The following RABGAP1L variants were observed in gnomAD, a reference collection of about 807,000 sequenced individuals.
RABGAP1L encodes the protein RAB GTPase activating protein 1 like, also known as rab GTPase-activating protein 1-like.
A neutral mutation model predicts 137.7 loss-of-function variants in RABGAP1L; 63 were observed. That is an observed-to-expected ratio of 0.46 (90% CI 0.37 to 0.56). The LOEUF is 0.56. RABGAP1L is among the 20% of genes least tolerant of loss of function. The probability of loss-of-function intolerance (pLI) is 0.00; values close to 1 mark genes in which losing one functional copy is unlikely to be tolerated. For synonymous variants in RABGAP1L, 431 were observed against 433.7 expected (o/e 0.99, Z 0.08); for missense variants, 1,095 against 1,244.0 (o/e 0.88, Z 1.80).
In RABGAP1L at chr1:174,252,677, A is replaced by G. The variant is rs1672806323; in HGVS notation, c.986+87A>G. ...GCATTGCTCAGTGTGGCTTTTCACT[A>G]TACTTCATTTTCTCCAATTAAAAAT... On this transcript the variant is annotated intron_variant, in intron 7 of 25. Coordinates refer to ENST00000681986, the MANE Select transcript of RABGAP1L (RefSeq NM_001366446.1). The G allele has an allele frequency of 5.3e-6, 8 of 1,505,434 alleles. No individual in the cohort carries two copies. In the East Asian group the frequency reaches 7.8e-5, roughly 15 times the overall value. The allele number at this position is 1,505,434 out of a possible 1,614,324, so 93.3% of individuals were successfully genotyped here. A position where few individuals can be genotyped will look rare whatever the true frequency, so the allele number is the denominator to read the frequency against.
chr1:174,958,018 G>A, intron 20 of RABGAP1L: 1 of 1,535,068 alleles, frequency 6.5e-7, no homozygotes, highest in Non-Finnish European at 8.7e-7. Context: ...AGGAAAAATG[G>A]CAAAGTACTG....
At chr1:174,929,214 T>C (rs1663318383) in intron 19 of RABGAP1L, among the ~76,000 whole-genome samples, 1 of 151,986 alleles carries the variant, frequency 6.6e-6, no homozygotes, top group Non-Finnish European at 1.5e-5. Flanking sequence ...TAAAATACAA[T>C]AATAATAAAA....
chr1:174,946,900 CAAAAAA>C (rs1177949233), intron 19 of RABGAP1L, among the ~76,000 whole-genome samples: 1 of 21,380 alleles, frequency 4.7e-5, no homozygotes, highest in East Asian at 1.1e-3. Flanking sequence ...GACTCCATCT[CAAAAAA>C]AAAAAAAAAA....
Position 174,787,419 on chromosome 1 carries a change from A to C in RABGAP1L, c.2212-24413A>C, listed in dbSNP as rs373528938. Among the ~76,000 whole-genome samples the C allele has an allele frequency of 3.6e-4, 55 of 151,900 alleles. No individual in the cohort carries two copies. The Middle Eastern group carries it at 0.01, about 28-fold the overall frequency. ...CTCTGTGTCAAAAAAAAAAAAAAAA[A>C]AATAAGAGAAAGTGACATCTGACTC... On this transcript the variant is annotated intron_variant, in intron 18 of 25. Coordinates refer to ENST00000681986, the MANE Select transcript of RABGAP1L (RefSeq NM_001366446.1).
In RABGAP1L at chr1:174,976,516, T is replaced by C. The variant is rs530435101; in HGVS notation, c.2649+334T>C. ...TTTGACAAATCTGCAAATTTTGTGT[T>C]GTATCTCCAAGATAATTGACTTCTC... On this transcript the variant is annotated intron_variant, in intron 22 of 25. Transcript: ENST00000681986. 3.3e-5 allele frequency among the ~76,000 whole-genome samples: 5 copies of C among 152,340 alleles called. No individual in the cohort carries two copies. In the East Asian group the frequency reaches 7.7e-4, roughly 23 times the overall value.
rs541952238 is a variant in RABGAP1L, at chr1:174,256,336, G to A, written c.986+3746G>A. 2.1e-4 allele frequency among the ~76,000 whole-genome samples: 32 copies of A among 152,158 alleles called. No homozygotes were observed. The South Asian group carries it at 6.4e-3, about 31-fold the overall frequency. Reference sequence around the variant, plus strand: ...TGTCCTTCACAGAGTATCACATCTGGAGGCAGATGGCTATCACAGAGATAG... The same window carrying A: ...TGTCCTTCACAGAGTATCACATCTGAAGGCAGATGGCTATCACAGAGATAG... On this transcript the variant is annotated intron_variant, in intron 7 of 25. Coordinates refer to ENST00000681986, the MANE Select transcript of RABGAP1L (RefSeq NM_001366446.1).
chr1:174,796,376 G>A (rs76607799), intron 18 of RABGAP1L, among the ~76,000 whole-genome samples: 6,248 of 152,214 alleles, frequency 0.041, 440 homozygotes, highest in African/African-American at 0.14. Context: ...TTGGGATTTG[G>A]GGAGGAAGAG....
rs371648634 is a variant in RABGAP1L at position 174,445,066 on chromosome 1, A to G, written c.1710+50921A>G. 3.5e-4 allele frequency among the ~76,000 whole-genome samples: 53 copies of G among 152,214 alleles called. 1 individual carries two copies. The highest frequency in any genetic ancestry group is 1.2e-3 in the African/African-American group (50 of 41,570). ...TACTTCATAGAGTTTTAAGATTTTT[A>G]TAAAGGAAAAGTATATAATGCACAC... On this transcript the variant is annotated intron_variant, in intron 13 of 25. Transcript: ENST00000681986.
At chr1:174,264,606 A>C (rs553842887) in intron 7 of RABGAP1L, among the ~76,000 whole-genome samples, 45 of 152,234 alleles carry the variant, frequency 3.0e-4, no homozygotes, top group African/African-American at 9.6e-4. Context: ...TTCCTCCTGT[A>C]ATTTCTCACA....
chr1:174,178,835 G>A (rs1483284296), intron 1 of RABGAP1L, among the ~76,000 whole-genome samples: 2 of 152,162 alleles, frequency 1.3e-5, no homozygotes, highest in Admixed American at 1.3e-4. Context: ...CCTATTGGGG[G>A]TTGGGAGGCA....
chr1:174,870,766 C>T (rs1652048957), intron 19 of RABGAP1L, among the ~76,000 whole-genome samples: 1 of 145,272 alleles, frequency 6.9e-6, no homozygotes, highest in African/African-American at 2.5e-5. Context: ...GAGATGGAGT[C>T]TCGCTCTGTT....
intron 14 of RABGAP1L, among the ~76,000 whole-genome samples, chr1:174,638,220 C>A (rs1417622274): frequency 6.6e-6 from 1 of 152,152 alleles, no homozygotes; most frequent in Non-Finnish European, 1.5e-5. Context: ...AGGCAAACAT[C>A]ATGGCTAATT....
chr1:174,162,771 C>CTTTTTTTTTTTTTTTTTT (rs1664584682), intron 1 of RABGAP1L, among the ~76,000 whole-genome samples: 1 of 40,792 alleles, frequency 2.5e-5, no homozygotes, highest in Non-Finnish European at 5.0e-5. Context: ...TTTTTTTTCT[C>CTTTTTTTTTTTTTTTTTT]TTTCTGTTTT....
intron 3 of RABGAP1L, among the ~76,000 whole-genome samples, chr1:174,225,586 C>A (rs892909558): frequency 4.2e-5 from 6 of 144,294 alleles, no homozygotes; most frequent in Admixed American, 2.9e-4. Context: ...AAAGTATTTT[C>A]AATTCTCAAA....
chr1:174,886,124 C>T (rs1655076063), intron 19 of RABGAP1L, among the ~76,000 whole-genome samples: 1 of 151,452 alleles, frequency 6.6e-6, no homozygotes, highest in South Asian at 2.1e-4. Flanking sequence ...AGCAGTTCTC[C>T]TACCTCAGCC....
At chr1:174,917,749 A>G (rs989496399) in intron 19 of RABGAP1L, among the ~76,000 whole-genome samples, 1 of 152,142 alleles carries the variant, frequency 6.6e-6, no homozygotes, top group Non-Finnish European at 1.5e-5. Context: ...CCTGGCCAAC[A>G]TGACAAAACC....
At chr1:174,739,598 C>T (rs942708394) in intron 17 of RABGAP1L, among the ~76,000 whole-genome samples, 1 of 152,154 alleles carries the variant, frequency 6.6e-6, no homozygotes, top group Non-Finnish European at 1.5e-5. Flanking sequence ...AGATGGATCT[C>T]CTGCCTCTGT....
intron 13 of RABGAP1L, among the ~76,000 whole-genome samples, chr1:174,532,908 T>C (rs940790017): frequency 1.3e-5 from 2 of 152,208 alleles, no homozygotes; most frequent in Non-Finnish European, 2.9e-5. Flanking sequence ...TATAACATGA[T>C]AAATATCCAT....
chr1:174,649,423 T>C lies in RABGAP1L; in HGVS notation c.1824+11935T>C, dbSNP rs186501057. Among the ~76,000 whole-genome samples the C allele has an allele frequency of 5.9e-5, 9 of 152,280 alleles. No individual in the cohort carries two copies. In the East Asian group the frequency reaches 1.7e-3, roughly 29 times the overall value. ...GGTGACAAAATCCCTCGGCGATGGC[T>C]TGTCTGTAAAGGATTTTATTTCTCC... On this transcript the variant is annotated intron_variant, in intron 14 of 25. Coordinates refer to ENST00000681986, the MANE Select transcript of RABGAP1L (RefSeq NM_001366446.1).
Sources: allele counts gnomAD v4.1 joint callset (sites outside exome capture counted in the v4.1 genomes callset), GRCh38; gene constraint gnomAD v4.1.1; transcripts MANE v1.5; gene names NCBI Gene and HGNC (gene_info 2026-07-23, HGNC 2026-07-21).